The following RIPOR2 variants were observed in gnomAD, a reference collection of about 807,000 sequenced individuals.
RIPOR2 encodes the protein RHO family interacting cell polarization regulator 2.
RIPOR2 carries 39 observed loss-of-function variants against 114.5 expected under a neutral mutation model. The observed-to-expected ratio is 0.34, with a 90% CI of 0.26 to 0.44. The LOEUF (loss-of-function observed/expected upper bound fraction) is 0.44, where lower values mean the gene tolerates loss of function less well. RIPOR2 is among the 20% of genes least tolerant of loss of function. RIPOR2 has a pLI of 1.00. For synonymous variants in RIPOR2, 445 were observed against 484.4 expected (o/e 0.92, Z 1.07); for missense variants, 1,007 against 1,255.1 (o/e 0.80, Z 2.99).
rs1030673181 is a variant in RIPOR2 at position 24,877,202 on chromosome 6, G to A, written c.62-1385C>T. On this transcript the variant is annotated intron_variant, in intron 1 of 21. Transcript: ENST00000643898. ...TTCACTAGACCTTCCTCAAAGCTACGCGAAGCAGCTCAGCAAGGAAGGCAG... is the reference window on the plus strand; with the variant it reads ...TTCACTAGACCTTCCTCAAAGCTACACGAAGCAGCTCAGCAAGGAAGGCAG... 1.4e-5 allele frequency: 14 copies of A among 985,436 alleles called. No homozygotes were observed. The African/African-American group carries it at 2.4e-4, about 17-fold the overall frequency. 61.0% of individuals were successfully genotyped at this position (985,436 alleles called of 1,614,324 possible).
At chr6:25,024,463 T>C (rs1317886357) in intron 1 of RIPOR2, 1 of 872,210 alleles carries the variant, frequency 1.1e-6, no homozygotes, top group Non-Finnish European at 1.9e-6. Context: ...GCCAGAACTC[T>C]CATGGAGCCT....
intron 1 of RIPOR2, among the ~76,000 whole-genome samples, chr6:24,935,181 G>C (rs563186307): frequency 1.3e-5 from 2 of 151,938 alleles, no homozygotes; most frequent in African/African-American, 4.8e-5. Flanking sequence ...GGTGGTGGGC[G>C]CCTGTAGTCC....
intron 1 of RIPOR2, among the ~76,000 whole-genome samples, chr6:24,927,287 C>CCAT (rs1554119841): frequency 5.6e-5 from 1 of 17,934 alleles, no homozygotes; most frequent in Admixed American, 5.3e-4. Context: ...ACCACCACCA[C>CCAT]CACCACCACC....
intron 1 of RIPOR2, among the ~76,000 whole-genome samples, chr6:24,884,343 G>C (rs1015166638): frequency 6.6e-6 from 1 of 152,060 alleles, no homozygotes; most frequent in South Asian, 2.1e-4. Context: ...CGGGAGGTGG[G>C]GGTTGCAGTG....
intron 1 of RIPOR2, among the ~76,000 whole-genome samples, chr6:25,041,494 C>A (rs1271081054): frequency 1.3e-5 from 2 of 152,192 alleles, no homozygotes; most frequent in African/African-American, 4.8e-5. Flanking sequence ...TTTTTCCCCA[C>A]TGTAATAAAC....
At chr6:24,927,182 TGAC>T (rs1431956213) in intron 1 of RIPOR2, among the ~76,000 whole-genome samples, 1 of 3,234 alleles carries the variant, frequency 3.1e-4, no homozygotes, top group Admixed American at 3.6e-3. Flanking sequence ...ACCACCACCA[TGAC>T]CACCACCACA....
intron 15 of RIPOR2, among the ~76,000 whole-genome samples, chr6:24,835,470 C>T (rs571098782): frequency 6.6e-6 from 1 of 152,012 alleles, no homozygotes; most frequent in Non-Finnish European, 1.5e-5. Flanking sequence ...TGAGAGCTAA[C>T]CATATGCCAC....
At chr6:24,886,802 A>G (rs1024024009) in intron 1 of RIPOR2, among the ~76,000 whole-genome samples, 4 of 152,180 alleles carry the variant, frequency 2.6e-5, no homozygotes, top group Non-Finnish European at 5.9e-5. Context: ...TTGCCTTTCT[A>G]GTTGATACAT....
rs928909871 is a variant in RIPOR2, at chr6:24,818,450, A to T, written c.2952+92T>A. 1.0e-4 allele frequency: 64 copies of T among 619,988 alleles called. No homozygotes were observed. In the African/African-American group the frequency reaches 1.2e-3, roughly 11 times the overall value. The allele number at this position is 619,988 out of a possible 1,614,324, so 38.4% of individuals were successfully genotyped here. A position where few individuals can be genotyped will look rare whatever the true frequency, so the allele number is the denominator to read the frequency against. On this transcript the variant is annotated intron_variant, in intron 20 of 21. Transcript: ENST00000643898. ...AGACAAGAAATACTGCTAAAAAAGT[A>T]CTTTCAAACATGAAAGAAAAGCTGT...
chr6:24,850,804 C>A, intron 9 of RIPOR2, 82 bp from the exon 10 acceptor site: 8 of 1,477,636 alleles, frequency 5.4e-6, no homozygotes, highest in Non-Finnish European at 7.5e-6. Flanking sequence ...AGGAGAAAGA[C>A]CTAAAGCCAC....
At chr6:25,012,820 G>C (rs943626097) in intron 1 of RIPOR2, among the ~76,000 whole-genome samples, 1 of 152,092 alleles carries the variant, frequency 6.6e-6, no homozygotes, top group Admixed American at 6.5e-5. Context: ...GATGATGGCT[G>C]CTCAACTTGG....
chr6:24,859,525 T>C (rs1295579967), intron 8 of RIPOR2, among the ~76,000 whole-genome samples: 1 of 152,108 alleles, frequency 6.6e-6, no homozygotes, highest in Non-Finnish European at 1.5e-5. Flanking sequence ...GACCCAAAAA[T>C]GTAGAGAATG....
At chr6:24,830,793 G>A in intron 16 of RIPOR2, 123 bp from the exon 17 acceptor site, 1 of 989,274 alleles carries the variant, frequency 1.0e-6, no homozygotes, top group Non-Finnish European at 1.4e-6. Flanking sequence ...TCAGCTCACT[G>A]GAACTTCCGC....
chr6:24,851,560 A>G (rs923990626), intron 9 of RIPOR2, among the ~76,000 whole-genome samples: 2 of 152,230 alleles, frequency 1.3e-5, no homozygotes, highest in African/African-American at 2.4e-5. Flanking sequence ...GCTAAGAGGT[A>G]TGAGTATAGA....
intron 1 of RIPOR2, among the ~76,000 whole-genome samples, chr6:25,022,997 AT>A (rs34977901): frequency 0.018 from 2,632 of 149,208 alleles, 32 homozygotes; most frequent in African/African-American, 0.032. Flanking sequence ...AGAGCAGTCA[AT>A]TTTTTTTTTT....
chr6:25,029,344 G>T (rs1776787914), intron 1 of RIPOR2, among the ~76,000 whole-genome samples: 1 of 142,354 alleles, frequency 7.0e-6, no homozygotes, highest in African/African-American at 2.6e-5. Context: ...GGAGCTTGCT[G>T]CAGTGAGCCG....
rs1313199097 is a variant in RIPOR2 at position 24,850,741 on chromosome 6, A to G, written c.760-19T>C. The G allele has an allele frequency of 6.2e-7, 1 of 1,613,204 alleles. No homozygotes were observed. Among genetic ancestry groups the G allele is most frequent in the Non-Finnish European group, 8.5e-7 (1 of 1,179,774 alleles). ...TGAAAATCTGGAGAGGAGACATCCA[A>G]GGGCCTTCATGTCTTGCCACCCCCT... On this transcript the variant is annotated intron_variant, in intron 9 of 21. Transcript: ENST00000643898.
intron 20 of RIPOR2, among the ~76,000 whole-genome samples, chr6:24,810,954 G>A (rs1480739489): frequency 6.6e-6 from 1 of 151,840 alleles, no homozygotes; most frequent in East Asian, 1.9e-4. Flanking sequence ...ACAGGTGTGC[G>A]CCACCACGCC....
intron 7 of RIPOR2, among the ~76,000 whole-genome samples, chr6:24,861,954 G>A (rs1399884293): frequency 6.6e-6 from 1 of 152,192 alleles, no homozygotes; most frequent in Non-Finnish European, 1.5e-5. Context: ...GCTGAATTCT[G>A]CTCAAGTGAG....
Sources: gnomAD v4.1 joint callset for allele counts (sites outside exome capture counted in the v4.1 genomes callset) on GRCh38, gnomAD v4.1.1 for gene constraint, MANE v1.5 for transcripts, NCBI Gene and HGNC (gene_info 2026-07-23, HGNC 2026-07-21) for gene names.